BCR: variants seen among roughly 807,000 people sequenced by gnomAD.
BCR encodes the protein BCR activator of RhoGEF and GTPase, also known as breakpoint cluster region protein.
Under a neutral mutation model 138.6 loss-of-function variants are expected in BCR, and 58 were observed. The ratio of observed to expected loss-of-function variants is 0.42; its 90% CI spans 0.34 to 0.52. The LOEUF is 0.52. Among genes scored for constraint, BCR ranks in the 20% least tolerant of loss-of-function variants. The pLI is 0.06. For synonymous variants in BCR, 786 were observed against 730.1 expected (o/e 1.08, Z -1.23); for missense variants, 1,599 against 1,727.2 (o/e 0.93, Z 1.32).
At chr22:23,287,029 G>T (rs750725617) in intron 10 of BCR, 130 bp from the exon 11 acceptor site, 1 of 1,486,856 alleles carries the variant, frequency 6.7e-7, no homozygotes. Context: ...GCCCTGGTCT[G>T]TGCTGAGTGG....
intron 16 of BCR, among the ~76,000 whole-genome samples, chr22:23,305,083 C>T (rs2073942787): frequency 6.6e-6 from 1 of 151,314 alleles, no homozygotes; most frequent in Non-Finnish European, 1.5e-5. Context: ...CACTGCACTC[C>T]AGCCTGGGCA....
chr22:23,271,763 A>G lies in BCR; in HGVS notation c.1921+171A>G, dbSNP rs548049349. 2.0e-5 allele frequency among the ~76,000 whole-genome samples: 3 copies of G among 152,342 alleles called. No individual in the cohort carries two copies. In the South Asian group the frequency reaches 6.2e-4, roughly 32 times the overall value. On this transcript the variant is annotated intron_variant, in intron 6 of 22. Transcript: ENST00000305877. ...GAGGAAAGAACAGCTCAGGGAGGGC[A>G]GGGAAGGATACCATCAGGACCAGTT...
At chr22:23,269,026 C>T (rs778455968) in intron 5 of BCR, among the ~76,000 whole-genome samples, 6 of 152,246 alleles carry the variant, frequency 3.9e-5, no homozygotes, top group Non-Finnish European at 8.8e-5. Context: ...TGGAGCTGCA[C>T]TAACCCAGGC....
At chr22:23,240,274 T>C (rs947718857) in intron 1 of BCR, among the ~76,000 whole-genome samples, 3 of 152,010 alleles carry the variant, frequency 2.0e-5, no homozygotes, top group Admixed American at 6.5e-5. Context: ...TTCTATTCTT[T>C]TGTTTTAAAT....
At chr22:23,231,945 G>A (rs2072964297) in intron 1 of BCR, among the ~76,000 whole-genome samples, 1 of 152,162 alleles carries the variant, frequency 6.6e-6, no homozygotes, top group Non-Finnish European at 1.5e-5. Context: ...TTGCCTGCCT[G>A]TTAACTTTGG....
intron 1 of BCR, among the ~76,000 whole-genome samples, chr22:23,220,914 G>A (rs12160841): frequency 0.034 from 5,105 of 152,166 alleles, 278 homozygotes; most frequent in African/African-American, 0.11. Context: ...GATTGTCCCC[G>A]GGGACACACA....
chr22:23,291,165 GC>G (rs2073782470), intron 14 of BCR: 1 of 149,906 alleles, frequency 6.7e-6, no homozygotes, highest in Admixed American at 6.7e-5. Context: ...CCGAGCTTGT[GC>G]CACTGCATTC....
In BCR at chr22:23,268,398, T is replaced by C. The variant is rs973359965; in HGVS notation, c.1753-10T>C. The C allele has an allele frequency of 1.0e-5, 16 of 1,600,706 alleles. No individual in the cohort carries two copies. Among genetic ancestry groups the C allele is most frequent in the African/African-American group, 2.7e-5 (2 of 74,516 alleles). On this transcript the variant is annotated splice_polypyrimidine_tract_variant and intron_variant, in intron 4 of 22. Transcript: ENST00000305877. ...ACCTGTCCCACTCTCTCTTCCTTCC[T>C]CCCCCTCAGGCCAGCCAGCTGGGTG...
At chr22:23,228,695 C>T (rs1302406179) in intron 1 of BCR, among the ~76,000 whole-genome samples, 1 of 152,132 alleles carries the variant, frequency 6.6e-6, no homozygotes, top group Non-Finnish European at 1.5e-5. Flanking sequence ...CTTCTGGCCT[C>T]TATAGTTTCT....
rs931150318 is a variant in BCR, at chr22:23,180,729, T to C, written c.-232T>C. On this transcript the variant is annotated 5_prime_UTR_variant, in exon 1 of 23. Transcript: ENST00000305877. Reference sequence around the variant, plus strand: ...CCGTGCGGAGGAGCCCCGCACACAATAGCGGCGCGCGCAGCCCGCGCCCTT... The same window carrying C: ...CCGTGCGGAGGAGCCCCGCACACAACAGCGGCGCGCGCAGCCCGCGCCCTT... The C allele has an allele frequency of 3.4e-5, 5 of 148,074 alleles. No individual in the cohort carries two copies. The highest frequency in any genetic ancestry group is 2.7e-4 in the Admixed American group (4 of 14,740). 9.2% of individuals were successfully genotyped at this position (148,074 alleles called of 1,614,324 possible).
intron 16 of BCR, among the ~76,000 whole-genome samples, chr22:23,308,158 T>G (rs1396605548): frequency 6.6e-6 from 1 of 151,682 alleles, no homozygotes; most frequent in Non-Finnish European, 1.5e-5. Flanking sequence ...CAAGGCCAGA[T>G]GCAGTGGCCT....
chr22:23,263,826 T>G (rs978823407), intron 4 of BCR: 3 of 1,153,040 alleles, frequency 2.6e-6, no homozygotes, highest in African/African-American at 3.0e-5. Context: ...CCAGCTGGGG[T>G]AGTGTTTATA....
chr22:23,310,542 C>G (rs1194516380), intron 18 of BCR, 109 bp downstream of exon 18: 1 of 689,822 alleles, frequency 1.4e-6, no homozygotes, highest in African/African-American at 1.8e-5. Context: ...GGCCACTGCA[C>G]GGTGAGGTCA....
rs2073114501 is a variant in BCR, at chr22:23,243,086, C to T, written c.1280-10713C>T. Reference sequence around the variant, plus strand: ...AAGAAACCTGTATGTGGTCTTCCTTCTGGTTTCTGGCACAAGCTCCTAAAA... The same window carrying T: ...AAGAAACCTGTATGTGGTCTTCCTTTTGGTTTCTGGCACAAGCTCCTAAAA... On this transcript the variant is annotated intron_variant, in intron 1 of 22. Transcript: ENST00000305877. The T allele has an allele frequency of 1.2e-5, 3 of 259,388 alleles. No homozygotes were observed. The Admixed American group carries it at 1.5e-4, about 13-fold the overall frequency. 16.1% of individuals were successfully genotyped at this position (259,388 alleles called of 1,614,324 possible).
chr22:23,198,327 A>T lies in BCR; in HGVS notation c.1279+16088A>T, dbSNP rs761699377. On this transcript the variant is annotated intron_variant, in intron 1 of 22. Transcript: ENST00000305877. ...CCACATCTTTGTCCGTGTGCCGAGG[A>T]GGGGACTGGTGGGCTGGAGTCCCAG... 44 of 437,828 alleles carry T rather than the reference A, an allele frequency of 1.0e-4. No homozygotes were observed. In the Middle Eastern group the frequency reaches 1.0e-3, roughly 10 times the overall value. 27.1% of individuals were successfully genotyped at this position (437,828 alleles called of 1,614,324 possible).
intron 1 of BCR, among the ~76,000 whole-genome samples, chr22:23,232,636 C>G (rs6003580): frequency 1.0e-3 from 159 of 152,288 alleles, no homozygotes; most frequent in African/African-American, 3.7e-3. Context: ...AGGTTCTGGC[C>G]CAGCTGGGAT....
At chr22:23,242,808 T>G (rs767379553) in intron 1 of BCR, 9 of 452,760 alleles carry the variant, frequency 2.0e-5, no homozygotes, top group Non-Finnish European at 4.0e-5. Context: ...AAACATTTAT[T>G]CTCTCCCAGT....
chr22:23,216,950 A>G (rs2072761012), intron 1 of BCR: 1 of 399,926 alleles, frequency 2.5e-6, no homozygotes, highest in African/African-American at 2.1e-5. Flanking sequence ...TTCTGTTGGT[A>G]CAGTGTGTCG....
chr22:23,256,932 G>GTACCCACCCAC (rs2073301406), intron 2 of BCR, among the ~76,000 whole-genome samples: 1 of 152,072 alleles, frequency 6.6e-6, no homozygotes, highest in African/African-American at 2.4e-5. Flanking sequence ...GTAGGGTCAT[G>GTACCCACCCAC]GTAGGAGGGC....
Sources: allele counts gnomAD v4.1 joint callset (sites outside exome capture counted in the v4.1 genomes callset), GRCh38; gene constraint gnomAD v4.1.1; transcripts MANE v1.5; gene names NCBI Gene and HGNC (gene_info 2026-07-23, HGNC 2026-07-21).